The following SPOCK3 variants were observed in gnomAD, a reference collection of about 807,000 sequenced individuals.
SPOCK3 encodes the protein testican-3.
A neutral mutation model predicts 56.6 loss-of-function variants in SPOCK3; 30 were observed. The ratio of observed to expected loss-of-function variants is 0.53; its 90% CI spans 0.40 to 0.72. The LOEUF (loss-of-function observed/expected upper bound fraction) is 0.72. SPOCK3 is among the 30% of genes least tolerant of loss of function. The probability of loss-of-function intolerance (pLI) is 0.00; values close to 1 mark genes in which losing one functional copy is unlikely to be tolerated. For missense variants in SPOCK3, 527 were observed against 530.0 expected (o/e 0.99, Z 0.06); for synonymous variants, 196 against 183.3 (o/e 1.07, Z -0.56).
chr4:166,842,178 G>A (rs1263968177), intron 6 of SPOCK3, among the ~76,000 whole-genome samples: 2 of 152,208 alleles, frequency 1.3e-5, no homozygotes, highest in Non-Finnish European at 2.9e-5. Context: ...GTGAGCAGCA[G>A]CAAGATTTAT....
At chr4:167,114,885 G>A (rs1298688905) in intron 2 of SPOCK3, among the ~76,000 whole-genome samples, 1 of 151,536 alleles carries the variant, frequency 6.6e-6, no homozygotes, top group African/African-American at 2.4e-5. Flanking sequence ...AGCATTCATG[G>A]AAAGTTAACA....
chr4:167,201,518 T>C (rs1733513225), intron 2 of SPOCK3, among the ~76,000 whole-genome samples: 1 of 151,986 alleles, frequency 6.6e-6, no homozygotes, highest in South Asian at 2.1e-4. Context: ...AATAAATATC[T>C]CAAAATAAAT....
At chr4:166,776,309 A>T (rs1004983386) in intron 7 of SPOCK3, among the ~76,000 whole-genome samples, 6 of 152,234 alleles carry the variant, frequency 3.9e-5, no homozygotes, top group African/African-American at 1.4e-4. Flanking sequence ...GCTACTCAGG[A>T]GGCTGAGGCA....
intron 3 of SPOCK3, among the ~76,000 whole-genome samples, chr4:167,056,979 A>G (rs10029840): frequency 0.055 from 8,368 of 152,182 alleles, 338 homozygotes; most frequent in African/African-American, 0.11. Flanking sequence ...CAAGTCACAT[A>G]ATTGTCAGGT....
chr4:166,919,823 A>C (rs1738289432), intron 4 of SPOCK3, among the ~76,000 whole-genome samples: 1 of 152,148 alleles, frequency 6.6e-6, no homozygotes, highest in Non-Finnish European at 1.5e-5. Context: ...ATTAAAAGCT[A>C]TGTATAGTTA....
intron 8 of SPOCK3, among the ~76,000 whole-genome samples, chr4:166,747,469 T>C (rs1288996728): frequency 2.0e-5 from 3 of 152,192 alleles, no homozygotes. Flanking sequence ...AAACTAGCTA[T>C]TGATGGGACA....
intron 6 of SPOCK3, among the ~76,000 whole-genome samples, chr4:166,868,313 AC>A (rs941711099): frequency 6.9e-6 from 1 of 144,414 alleles, no homozygotes; most frequent in African/African-American, 2.5e-5. Flanking sequence ...AAAAAAAAAA[AC>A]CTAGGCATGG....
At chr4:166,980,861 C>A (rs559536562) in intron 4 of SPOCK3, among the ~76,000 whole-genome samples, 1 of 152,204 alleles carries the variant, frequency 6.6e-6, no homozygotes, top group African/African-American at 2.4e-5. Flanking sequence ...TAAATCTGGG[C>A]TCCCAGAATG....
At chr4:167,187,963 T>G (rs1276393831) in intron 2 of SPOCK3, among the ~76,000 whole-genome samples, 1 of 152,006 alleles carries the variant, frequency 6.6e-6, no homozygotes, top group African/African-American at 2.4e-5. Flanking sequence ...CTGAACTGAG[T>G]GGGAGACAGA....
At chr4:166,905,130 T>C (rs1295471654) in intron 5 of SPOCK3, among the ~76,000 whole-genome samples, 1 of 152,040 alleles carries the variant, frequency 6.6e-6, no homozygotes, top group Admixed American at 6.6e-5. Context: ...ATAAAATATT[T>C]AGGATATTAA....
chr4:166,864,360 A>G (rs990153914), intron 6 of SPOCK3, among the ~76,000 whole-genome samples: 4 of 152,192 alleles, frequency 2.6e-5, no homozygotes, highest in African/African-American at 9.6e-5. Flanking sequence ...ACTGGACATC[A>G]CGGTTAAAAG....
At chr4:166,969,417 G>A (rs951408583) in intron 4 of SPOCK3, among the ~76,000 whole-genome samples, 3 of 151,646 alleles carry the variant, frequency 2.0e-5, no homozygotes, top group Non-Finnish European at 2.9e-5. Context: ...GGTGGGAGGT[G>A]ACTGGATCAT....
intron 2 of SPOCK3, among the ~76,000 whole-genome samples, chr4:167,167,725 T>C (rs1237997520): frequency 1.3e-5 from 2 of 152,192 alleles, no homozygotes; most frequent in East Asian, 1.9e-4. Context: ...AGACCTTTTT[T>C]AGTTTATCAA....
intron 6 of SPOCK3, among the ~76,000 whole-genome samples, chr4:166,801,932 A>G (rs1398517519): frequency 2.0e-5 from 3 of 152,148 alleles, no homozygotes; most frequent in African/African-American, 7.2e-5. Flanking sequence ...AGCCAGAAAC[A>G]GAGAGATTCC....
intron 2 of SPOCK3, among the ~76,000 whole-genome samples, chr4:167,135,055 C>T (rs1167251792): frequency 6.6e-6 from 1 of 150,426 alleles, no homozygotes; most frequent in Non-Finnish European, 1.5e-5. Flanking sequence ...ATGCTGTTGG[C>T]TCAAACACAT....
intron 2 of SPOCK3, among the ~76,000 whole-genome samples, chr4:167,173,331 T>G (rs1730673490): frequency 6.6e-6 from 1 of 152,182 alleles, no homozygotes; most frequent in African/African-American, 2.4e-5. Flanking sequence ...TATATGTAAA[T>G]TGCCTGCACA....
chr4:167,180,111 G>A (rs1332259489), intron 2 of SPOCK3, among the ~76,000 whole-genome samples: 2 of 152,144 alleles, frequency 1.3e-5, no homozygotes, highest in Non-Finnish European at 2.9e-5. Flanking sequence ...GTACTTTTAA[G>A]TAAAATTGGG....
chr4:167,225,236 A>AGGG (rs1407763574), intron 2 of SPOCK3, among the ~76,000 whole-genome samples: 1 of 152,154 alleles, frequency 6.6e-6, no homozygotes, highest in Non-Finnish European at 1.5e-5. Context: ...TTTCTGAAGG[A>AGGG]GGGAATAAAA....
intron 3 of SPOCK3, among the ~76,000 whole-genome samples, chr4:167,020,576 G>A (rs779829778): frequency 1.8e-4 from 27 of 152,102 alleles, no homozygotes; most frequent in Admixed American, 1.2e-3. Context: ...GTGTTCATAC[G>A]TCCCTTGTGT....
Sources: allele counts gnomAD v4.1 joint callset (sites outside exome capture counted in the v4.1 genomes callset), GRCh38; gene constraint gnomAD v4.1.1; transcripts MANE v1.5; gene names NCBI Gene and HGNC (gene_info 2026-07-23, HGNC 2026-07-21).